Variants in TET3 observed in about 807,000 individuals in gnomAD.
TET3 encodes methylcytosine dioxygenase TET3.
In TET3, 19 loss-of-function variants were observed where a neutral mutation model predicts 141.4. The ratio of observed to expected loss-of-function variants is 0.13; its 90% CI spans 0.09 to 0.20. The LOEUF (loss-of-function observed/expected upper bound fraction) is 0.20. Among genes scored for constraint, TET3 ranks in the 10% least tolerant of loss-of-function variants. The probability of loss-of-function intolerance (pLI) is 1.00; values close to 1 mark genes in which losing one functional copy is unlikely to be tolerated. For missense variants in TET3, 1,874 were observed against 2,356.9 expected (o/e 0.80, Z 4.24); for synonymous variants, 1,043 against 980.9 (o/e 1.06, Z -1.18).
intron 6 of TET3, among the ~76,000 whole-genome samples, chr2:74,081,025 T>C (rs1182261837): frequency 6.6e-6 from 1 of 152,170 alleles, no homozygotes; most frequent in South Asian, 2.1e-4. Flanking sequence ...AGTGCTTTTG[T>C]CTGCTGCCTG....
In TET3 at chr2:74,047,117, C is replaced by T. The variant is rs1453893710; in HGVS notation, c.1200C>T (p.Tyr400=). Reference sequence around the variant, plus strand: ...CCCCTTTCAGATCTCCCCAGTCTTACCTCCGGGCTCCCTCATGGCCTGTGG... The same window carrying T: ...CCCCTTTCAGATCTCCCCAGTCTTATCTCCGGGCTCCCTCATGGCCTGTGG... ...PPAPFRSPQS[Y]LRAPSWPVVP... is the part of the protein sequence containing the mutation. Residue 400 remains tyrosine (Y), a synonymous_variant, in exon 4 of 12, where the codon TAC becomes TAT. Coordinates refer to ENST00000409262, the MANE Select transcript of TET3 (RefSeq NM_001287491.2). The T allele has an allele frequency of 1.2e-6, 2 of 1,613,874 alleles. No homozygotes were observed. Among genetic ancestry groups the T allele is most frequent in the Admixed American group, 1.7e-5 (1 of 60,000 alleles).
intron 2 of TET3, among the ~76,000 whole-genome samples, chr2:74,002,374 C>T (rs1027425315): frequency 6.6e-6 from 1 of 151,522 alleles, no homozygotes; most frequent in Non-Finnish European, 1.5e-5. Context: ...CCCCCCCACC[C>T]CCCCGGCGTC....
At chr2:74,003,677 T>TG (rs1212454411) in intron 3 of TET3, among the ~76,000 whole-genome samples, 1 of 140,492 alleles carries the variant, frequency 7.1e-6, no homozygotes, top group Non-Finnish European at 1.5e-5. Context: ...GAGGAGGTGG[T>TG]GGGGGTGAGG....
At chr2:73,989,304 C>T (rs546499411) in intron 2 of TET3, among the ~76,000 whole-genome samples, 31 of 152,286 alleles carry the variant, frequency 2.0e-4, no homozygotes, top group Non-Finnish European at 4.1e-4. Flanking sequence ...TCCTCTCGGA[C>T]ATCAGACCAT....
chr2:74,102,297 T>A lies in TET3; in HGVS notation c.*121T>A. On this transcript the variant is annotated 3_prime_UTR_variant, in exon 12 of 12. Coordinates refer to ENST00000409262, the MANE Select transcript of TET3 (RefSeq NM_001287491.2). Reference sequence around the variant, plus strand: ...AAGTCTTTTTATCTCTATATACATATATAGATGCGCATATCATATATATGT... The same window carrying A: ...AAGTCTTTTTATCTCTATATACATAAATAGATGCGCATATCATATATATGT... The A allele has an allele frequency of 7.8e-7, 1 of 1,281,484 alleles. No individual in the cohort carries two copies. Among genetic ancestry groups the A allele is most frequent in the Non-Finnish European group, 9.9e-7 (1 of 1,012,700 alleles). The allele number at this position is 1,281,484 out of a possible 1,614,324, so 79.4% of individuals were successfully genotyped here. A position where few individuals can be genotyped will look rare whatever the true frequency, so the allele number is the denominator to read the frequency against.
chr2:74,030,504 T>C (rs958704078), intron 3 of TET3, among the ~76,000 whole-genome samples: 5 of 152,256 alleles, frequency 3.3e-5, no homozygotes, highest in African/African-American at 7.2e-5. Flanking sequence ...TGCAAACTTA[T>C]AAGCTCAAGT....
the TET3 span, chr2:74,120,765 C>G: frequency 6.6e-6 from 1 of 152,418 alleles, no homozygotes; most frequent in Non-Finnish European, 1.5e-5. Flanking sequence ...TGAGATTGAA[C>G]TCAGCTATAC....
In TET3 at chr2:74,017,530, C is replaced by T. The variant is rs959987026; in HGVS notation, c.360+14364C>T. On this transcript the variant is annotated intron_variant, in intron 3 of 11. Transcript: ENST00000409262. ...CCCTGGCTTATTTCACTTAACATAT[C>T]CTCCAAGCTCATCCATGTTGCCACA... 7.2e-5 allele frequency among the ~76,000 whole-genome samples: 11 copies of T among 152,152 alleles called. 1 individual carries two copies. Among genetic ancestry groups the T allele is most frequent in the African/African-American group, 2.7e-4 (11 of 41,418 alleles).
intron 10 of TET3, among the ~76,000 whole-genome samples, chr2:74,099,042 G>T (rs934557295): frequency 6.6e-6 from 1 of 152,194 alleles, no homozygotes; most frequent in Non-Finnish European, 1.5e-5. Flanking sequence ...GCCTTCTTAG[G>T]ATCATAGGAG....
chr2:74,005,122 G>A (rs1685085055), intron 3 of TET3, among the ~76,000 whole-genome samples: 1 of 152,194 alleles, frequency 6.6e-6, no homozygotes, highest in African/African-American at 2.4e-5. Context: ...CTTCTCTTCA[G>A]CTCTTTCCAA....
intron 4 of TET3, among the ~76,000 whole-genome samples, chr2:74,056,673 C>T (rs1215347580): frequency 6.6e-6 from 1 of 152,162 alleles, no homozygotes; most frequent in East Asian, 1.9e-4. Flanking sequence ...GAAATATTAC[C>T]CTGGGGACTA....
chr2:74,071,467 T>G (rs1198072649), intron 4 of TET3, among the ~76,000 whole-genome samples: 1 of 152,246 alleles, frequency 6.6e-6, no homozygotes, highest in African/African-American at 2.4e-5. Flanking sequence ...TTTAAATACT[T>G]TATTTTGAAA....
chr2:74,124,697 G>A, the TET3 span, among the ~76,000 whole-genome samples: 1 of 152,136 alleles, frequency 6.6e-6, no homozygotes, highest in Non-Finnish European at 1.5e-5. Context: ...GGTGCAAGAT[G>A]TGCTTTGTTA....
chr2:74,110,062 G>A (rs755156551), downstream of TET3, among the ~76,000 whole-genome samples: 4 of 152,034 alleles, frequency 2.6e-5, no homozygotes, highest in Non-Finnish European at 4.4e-5. Flanking sequence ...CCAGGCATTC[G>A]GGACATAGCA....
At chr2:74,118,525 T>A in the TET3 span, among the ~76,000 whole-genome samples, 3 of 152,204 alleles carry the variant, frequency 2.0e-5, no homozygotes, top group African/African-American at 7.2e-5. Flanking sequence ...ATAATACATA[T>A]AACATACAAA....
At chr2:74,041,163 T>A (rs1687319023) in intron 3 of TET3, among the ~76,000 whole-genome samples, 1 of 152,150 alleles carries the variant, frequency 6.6e-6, no homozygotes. Flanking sequence ...TTTTCTAGTA[T>A]CTCTAAGTAT....
chr2:74,014,128 T>G (rs1171393284), intron 3 of TET3, among the ~76,000 whole-genome samples: 1 of 152,226 alleles, frequency 6.6e-6, no homozygotes, highest in African/African-American at 2.4e-5. Flanking sequence ...TCTAAAGTAT[T>G]AATTTCTACT....
chr2:74,132,393 C>T, the TET3 span, among the ~76,000 whole-genome samples: 1 of 152,162 alleles, frequency 6.6e-6, no homozygotes, highest in Non-Finnish European at 1.5e-5. Flanking sequence ...AAAGTCTGCT[C>T]TTCCCACGGC....
intron 3 of TET3, among the ~76,000 whole-genome samples, chr2:74,014,667 G>C (rs144961954): frequency 6.6e-6 from 1 of 152,028 alleles, no homozygotes; most frequent in Admixed American, 6.6e-5. Context: ...GAAAAGCCTC[G>C]TACATTAGCA....
Sources: allele counts gnomAD v4.1 joint callset (sites outside exome capture counted in the v4.1 genomes callset), GRCh38; gene constraint gnomAD v4.1.1; transcripts MANE v1.5; gene names NCBI Gene and HGNC (gene_info 2026-07-23, HGNC 2026-07-21).